PLEKHA7: variants seen among roughly 807,000 people sequenced by gnomAD.
PLEKHA7 encodes the protein pleckstrin homology domain containing A7, also known as pleckstrin homology domain-containing family A member 7.
A neutral mutation model predicts 170.0 loss-of-function variants in PLEKHA7; 104 were observed. The observed-to-expected ratio is 0.61, with a 90% CI of 0.52 to 0.72. The LOEUF is 0.72. Among genes scored for constraint, PLEKHA7 ranks in the 30% least tolerant of loss-of-function variants. PLEKHA7 has a pLI of 0.00. For missense variants in PLEKHA7, 1,615 were observed against 1,671.7 expected (o/e 0.97, Z 0.59); for synonymous variants, 648 against 660.8 (o/e 0.98, Z 0.30).
At chr11:16,805,646 C>T (rs1848917001) in intron 13 of PLEKHA7, among the ~76,000 whole-genome samples, 1 of 151,840 alleles carries the variant, frequency 6.6e-6, no homozygotes, top group Non-Finnish European at 1.5e-5. Flanking sequence ...AAAAATTAGC[C>T]AGGCACAGTG....
At chr11:16,934,796 G>T (rs759557729) in intron 3 of PLEKHA7, among the ~76,000 whole-genome samples, 1 of 152,090 alleles carries the variant, frequency 6.6e-6, no homozygotes, top group Non-Finnish European at 1.5e-5. Context: ...ATTAATAAAG[G>T]TTGTTTACTG....
intron 3 of PLEKHA7, among the ~76,000 whole-genome samples, chr11:16,941,263 G>A (rs1034181392): frequency 1.3e-5 from 2 of 152,088 alleles, no homozygotes; most frequent in Non-Finnish European, 2.9e-5. Context: ...ACAAGCTCAG[G>A]GCCCATCCCT....
chr11:16,816,172 C>A lies in PLEKHA7; in HGVS notation c.1953+6G>T. On this transcript the variant is annotated splice_donor_region_variant and intron_variant, in intron 12 of 26. Transcript: ENST00000531066. The stretch of plus-strand genomic sequence containing the variant: ...TTTGCAGGCTATGTCTTGTCATTCA[C>A]CCTACCGATTTTCCATGTAAACTGG... 6.2e-7 allele frequency: 1 copy of A among 1,606,962 alleles called. No homozygotes were observed. Among genetic ancestry groups the A allele is most frequent in the Non-Finnish European group, 8.5e-7 (1 of 1,173,544 alleles).
intron 13 of PLEKHA7, among the ~76,000 whole-genome samples, chr11:16,805,259 C>T (rs528547359): frequency 3.4e-4 from 51 of 152,204 alleles, no homozygotes; most frequent in African/African-American, 1.2e-3. Flanking sequence ...TCTAATTGAG[C>T]AATGCCTCAT....
intron 3 of PLEKHA7, among the ~76,000 whole-genome samples, chr11:16,987,369 C>G (rs1590792764): frequency 6.6e-6 from 1 of 152,124 alleles, no homozygotes; most frequent in African/African-American, 2.4e-5. Flanking sequence ...CCTGCCCAAC[C>G]AGCTCCTTTG....
intron 3 of PLEKHA7, among the ~76,000 whole-genome samples, chr11:16,915,983 T>G (rs1858638617): frequency 6.7e-6 from 1 of 148,612 alleles, no homozygotes; most frequent in Non-Finnish European, 1.5e-5. Flanking sequence ...CCACCAACAG[T>G]GTAAAAGTGT....
rs141499859 is a variant in PLEKHA7, at chr11:16,826,293, C to A, written c.1170G>T (p.Arg390=). The A allele has an allele frequency of 1.9e-5, 30 of 1,614,236 alleles. No homozygotes were observed. The highest frequency in any genetic ancestry group is 2.5e-5 in the Non-Finnish European group (29 of 1,180,042). ...CAGGCAGCATTCCATTCTTCTCTGC[C>A]CGTTGGGGCTGTGCCTGCTGGCCTC... is the stretch of plus-strand genomic sequence containing the variant. ...GPRGQQAQPQ[R]AEKNGMLPAS... is the part of the protein sequence containing the mutation. Residue 390 remains arginine, a synonymous_variant, in exon 10 of 27, where the codon CGG becomes CGT. Coordinates refer to ENST00000531066, the MANE Select transcript of PLEKHA7 (RefSeq NM_001329630.2).
In PLEKHA7 at chr11:16,790,742, G is replaced by A. The variant is rs1315769974; in HGVS notation, c.3052+56C>T. 4 of 1,540,880 alleles carry A rather than the reference G, an allele frequency of 2.6e-6. No individual in the cohort carries two copies. The East Asian group carries it at 9.1e-5, about 35-fold the overall frequency. ...GAAGGGTACGAGGCACCAGCTGAAG[G>A]CTGGAAGCAGTGTGGTGGGATTCCC... On this transcript the variant is annotated intron_variant, in intron 21 of 26. Coordinates refer to ENST00000531066, the MANE Select transcript of PLEKHA7 (RefSeq NM_001329630.2).
rs1009661967 is a variant in PLEKHA7, at chr11:16,996,781, A to C, written c.221+17208T>G. On this transcript the variant is annotated intron_variant, in intron 3 of 26. Transcript: ENST00000531066. ...GAAACCCCGTCTCTACTAAAAATAC[A>C]AAAAATTAGCTGGGCATGGTGGTGG... Among the ~76,000 whole-genome samples the C allele has an allele frequency of 6.6e-5, 10 of 152,156 alleles. No homozygotes were observed. In the South Asian group the frequency reaches 8.3e-4, roughly 13 times the overall value.
intron 3 of PLEKHA7, among the ~76,000 whole-genome samples, chr11:16,901,986 C>T (rs1163281410): frequency 6.6e-6 from 1 of 152,230 alleles, no homozygotes; most frequent in African/African-American, 2.4e-5. Context: ...GTCCCATACT[C>T]TCTAGCGATC....
intron 15 of PLEKHA7, 115 bp from the exon 16 acceptor site, chr11:16,801,932 C>T: frequency 1.5e-6 from 2 of 1,314,452 alleles, no homozygotes. Context: ...GGGATCAGCG[C>T]TGAGATGTGG....
At chr11:16,923,631 G>A (rs1859264961) in intron 3 of PLEKHA7, among the ~76,000 whole-genome samples, 1 of 152,050 alleles carries the variant, frequency 6.6e-6, no homozygotes, top group South Asian at 2.1e-4. Flanking sequence ...TGGGAGGAGG[G>A]GGAGGGAGCA....
chr11:16,889,420 A>AAATATAT (rs61086849), intron 3 of PLEKHA7, among the ~76,000 whole-genome samples: 2 of 74,670 alleles, frequency 2.7e-5, no homozygotes, highest in African/African-American at 6.3e-5. Context: ...AAAAAAAAAA[A>AAATATAT]ATATATATAT....
rs57104068 is a variant in PLEKHA7 at position 16,936,401 on chromosome 11, CAAAAAAA to C, written c.222-65226_222-65220del. Among the ~76,000 whole-genome samples, 15 of 68,148 alleles carry C rather than the reference CAAAAAAA, an allele frequency of 2.2e-4. No individual in the cohort carries two copies. In the South Asian group the frequency reaches 2.8e-3, roughly 13 times the overall value. 44.7% of individuals were successfully genotyped at this position (68,148 alleles called of 152,430 possible). On this transcript the variant is annotated intron_variant, in intron 3 of 26. Transcript: ENST00000531066. ...TGGGAAATAGCGTGAGACTCTGTCT[CAAAAAAA>C]AAAAAAAAAAAAAAAAAATCAGGTC...
intron 10 of PLEKHA7, among the ~76,000 whole-genome samples, chr11:16,822,501 GGAA>G (rs373535695): frequency 0.045 from 5,714 of 125,788 alleles, 376 homozygotes; most frequent in African/African-American, 0.18. Context: ...TTTTGGTAGG[GGAA>G]AAAAAAAAAA....
In PLEKHA7 at chr11:16,789,991, C is replaced by T. The variant is rs1847724725; in HGVS notation, c.3053-113G>A. The T allele has an allele frequency of 1.1e-6, 1 of 920,542 alleles. No homozygotes were observed. Among genetic ancestry groups the T allele is most frequent in the African/African-American group, 1.6e-5 (1 of 61,228 alleles). The allele number at this position is 920,542 out of a possible 1,614,324, so 57.0% of individuals were successfully genotyped here. ...CCAAGAGCACCCAGTCAATGACCCA[C>T]CCTTATTTCTCTTCTTCCTCCCCAG... On this transcript the variant is annotated intron_variant, in intron 21 of 26. Coordinates refer to ENST00000531066, the MANE Select transcript of PLEKHA7 (RefSeq NM_001329630.2). This position sits in a 1 kb window ranked among gnomAD's most constrained non-coding sequence, Gnocchi z 4.6.
chr11:16,932,997 T>C (rs1565130355), intron 3 of PLEKHA7, among the ~76,000 whole-genome samples: 1 of 152,158 alleles, frequency 6.6e-6, no homozygotes, highest in Non-Finnish European at 1.5e-5. Flanking sequence ...CCAAAGACAA[T>C]AGGAAGCCAT....
chr11:16,783,471 A>C (rs184463363), intron 25 of PLEKHA7, among the ~76,000 whole-genome samples: 2 of 152,368 alleles, frequency 1.3e-5, no homozygotes, highest in African/African-American at 4.8e-5. Context: ...GTGACAGCCC[A>C]GGACAAGAAG....
Position 16,841,603 on chromosome 11 carries a change from A to G in PLEKHA7, c.816T>C (p.Ala272=). 6.2e-7 allele frequency: 1 copy of G among 1,614,060 alleles called. No individual in the cohort carries two copies. Among genetic ancestry groups the G allele is most frequent in the Non-Finnish European group, 8.5e-7 (1 of 1,180,024 alleles). Residue 272 remains alanine (A), a synonymous_variant, in exon 9 of 27, where the codon GCT becomes GCC. Coordinates refer to ENST00000531066, the MANE Select transcript of PLEKHA7 (RefSeq NM_001329630.2). The part of the protein sequence containing the change: ...FSADTQEDMN[A]WVRAMNQAAQ... ...CAGCCTGGTTCATGGCCCTGACCCAAGCGTTCATGTCCTCCTGGGTGTCGG... is the reference window on the plus strand; with the variant it reads ...CAGCCTGGTTCATGGCCCTGACCCAGGCGTTCATGTCCTCCTGGGTGTCGG...
Sources: allele counts gnomAD v4.1 joint callset (sites outside exome capture counted in the v4.1 genomes callset), GRCh38; gene constraint gnomAD v4.1.1; non-coding constraint Gnocchi (gnomAD v3.1); transcripts MANE v1.5; gene names NCBI Gene and HGNC (gene_info 2026-07-23, HGNC 2026-07-21).